SVEP1: variants seen among roughly 807,000 people sequenced by gnomAD.
SVEP1 encodes the protein sushi, von Willebrand factor type A, EGF and pentraxin domain-containing protein 1.
In SVEP1, 164 loss-of-function variants were observed where a neutral mutation model predicts 367.3. The ratio of observed to expected loss-of-function variants is 0.45; its 90% confidence interval spans 0.39 to 0.51. The LOEUF is 0.51. SVEP1 is among the 20% of genes least tolerant of loss of function. SVEP1 has a pLI of 0.00. For missense variants in SVEP1, 4,117 were observed against 4,425.3 expected (o/e 0.93, Z 1.98); for synonymous variants, 1,666 against 1,611.6 (o/e 1.03, Z -0.81).
chr9:110,538,362 T>A (rs1398549930), intron 3 of SVEP1, among the ~76,000 whole-genome samples: 1 of 152,058 alleles, frequency 6.6e-6, no homozygotes, highest in Non-Finnish European at 1.5e-5. Context: ...TACATACCAC[T>A]GAGGATATTT....
chr9:110,510,954 T>C (rs1829701461), intron 5 of SVEP1, among the ~76,000 whole-genome samples: 1 of 152,210 alleles, frequency 6.6e-6, no homozygotes, highest in South Asian at 2.1e-4. Context: ...AACAGTAGCT[T>C]GCCTGAGTTT....
chr9:110,399,049 T>G (rs898338176), intron 40 of SVEP1, among the ~76,000 whole-genome samples: 1 of 152,216 alleles, frequency 6.6e-6, no homozygotes, highest in African/African-American at 2.4e-5. Context: ...TGCACATGTA[T>G]GTTTATTGCG....
chr9:110,366,173 ATAT>A lies in SVEP1; in HGVS notation c.*363_*365del. The A allele has an allele frequency of 5.6e-6, 1 of 179,900 alleles. No homozygotes were observed. Among genetic ancestry groups the A allele is most frequent in the Non-Finnish European group, 1.2e-5 (1 of 86,488 alleles). 11.1% of individuals were successfully genotyped at this position (179,900 alleles called of 1,614,324 possible). Reference sequence around the variant, plus strand: ...TCATAAAATGGTACTATCCAGCAAAATATTATTTAGTAGCAAAATATACTTTAA... The same window carrying A: ...TCATAAAATGGTACTATCCAGCAAAATATTTAGTAGCAAAATATACTTTAA... On this transcript the variant is annotated 3_prime_UTR_variant, in exon 48 of 48. Transcript: ENST00000374469.
Position 110,565,234 on chromosome 9 carries a change from T to C in SVEP1, c.531+13779A>G, listed in dbSNP as rs201307579. 1.4e-4 allele frequency among the ~76,000 whole-genome samples: 22 copies of C among 152,298 alleles called. No individual in the cohort carries two copies. The East Asian group carries it at 2.3e-3, about 16-fold the overall frequency. The stretch of plus-strand genomic sequence containing the variant: ...GCTGAGTAACTCAGATTAGGATAAA[T>C]TGAATTTAGCTGGAAGACCAAGTCT... On this transcript the variant is annotated intron_variant, in intron 1 of 47. Transcript: ENST00000374469.
At chr9:110,479,551 T>C (rs752697191) in intron 13 of SVEP1, 84 bp downstream of exon 13, 134 of 1,430,354 alleles carry the variant, frequency 9.4e-5, no homozygotes, top group Non-Finnish European at 1.2e-4. Flanking sequence ...GGAAATAGGA[T>C]GAGAAATCGC....
chr9:110,501,043 T>C (rs1340214035), intron 6 of SVEP1, among the ~76,000 whole-genome samples: 1 of 149,688 alleles, frequency 6.7e-6, no homozygotes, highest in Non-Finnish European at 1.5e-5. Context: ...AGTTCTTTCC[T>C]TAGGTTAATT....
intron 2 of SVEP1, among the ~76,000 whole-genome samples, chr9:110,547,001 T>G (rs1274399048): frequency 6.6e-6 from 1 of 152,206 alleles, no homozygotes; most frequent in Non-Finnish European, 1.5e-5. Context: ...TTAGACTAAA[T>G]TCCAATACTA....
chr9:110,367,205 G>T (rs1237439388), intron 47 of SVEP1, among the ~76,000 whole-genome samples: 2 of 152,220 alleles, frequency 1.3e-5, no homozygotes, highest in African/African-American at 4.8e-5. Flanking sequence ...TGTTGCCGAG[G>T]CTAGAGTGCA....
At chr9:110,382,785 T>C (rs1391105358) in intron 43 of SVEP1, among the ~76,000 whole-genome samples, 1 of 152,222 alleles carries the variant, frequency 6.6e-6, no homozygotes, top group Non-Finnish European at 1.5e-5. Flanking sequence ...TTCTCTAATC[T>C]TGTCTGCCTT....
chr9:110,458,849 C>G, intron 19 of SVEP1, 103 bp downstream of exon 19: 1 of 1,421,742 alleles, frequency 7.0e-7, no homozygotes. Context: ...TCCAGATGCC[C>G]AAATCCACCG....
chr9:110,555,217 T>TG (rs1397146179), intron 1 of SVEP1, among the ~76,000 whole-genome samples: 5 of 145,490 alleles, frequency 3.4e-5, no homozygotes, highest in Non-Finnish European at 7.5e-5. Flanking sequence ...GGAGGAGAAG[T>TG]GGGGAAAAAA....
chr9:110,499,392 T>G (rs774489939), intron 6 of SVEP1, among the ~76,000 whole-genome samples, 154 bp from the exon 7 acceptor site: 8 of 152,230 alleles, frequency 5.3e-5, no homozygotes, highest in Non-Finnish European at 1.0e-4. Context: ...GTATAATATA[T>G]TGTAAATAAT....
rs773614451 is a variant in SVEP1 at position 110,443,740 on chromosome 9, A to G, written c.4464-20T>C. On this transcript the variant is annotated intron_variant, in intron 26 of 47. Coordinates refer to ENST00000374469, the MANE Select transcript of SVEP1 (RefSeq NM_153366.4). ...ACCCAGCTGTAGAGAGAAAGATTCC[A>G]GGGAATGTAGTCATTAGCCATATGT... 3.9e-6 allele frequency: 6 copies of G among 1,552,614 alleles called. No individual in the cohort carries two copies.
intron 27 of SVEP1, among the ~76,000 whole-genome samples, chr9:110,439,855 C>T (rs1010450802): frequency 4.6e-5 from 7 of 152,142 alleles, no homozygotes; most frequent in African/African-American, 1.7e-4. Flanking sequence ...CAAGCTATTT[C>T]CTTAGGTGGT....
chr9:110,446,155 G>T, intron 25 of SVEP1, 117 bp from the exon 26 acceptor site: 1 of 906,336 alleles, frequency 1.1e-6, no homozygotes, highest in Non-Finnish European at 1.7e-6. Flanking sequence ...TATCTAAGAA[G>T]CAGTTTCAAA....
At chr9:110,476,590 C>T (rs10980405) in intron 13 of SVEP1, among the ~76,000 whole-genome samples, 1 of 152,000 alleles carries the variant, frequency 6.6e-6, no homozygotes, top group Non-Finnish European at 1.5e-5. Flanking sequence ...TCTAAACTTT[C>T]GCTATATGGC....
At chr9:110,423,644 G>A (rs920689810) in intron 36 of SVEP1, among the ~76,000 whole-genome samples, 6 of 151,908 alleles carry the variant, frequency 3.9e-5, no homozygotes, top group African/African-American at 1.5e-4. Context: ...GACTCTAAAG[G>A]AAACAACTGA....
chr9:110,439,798 A>G (rs1312912524), intron 27 of SVEP1, among the ~76,000 whole-genome samples: 1 of 152,138 alleles, frequency 6.6e-6, no homozygotes, highest in Non-Finnish European at 1.5e-5. Flanking sequence ...ACTCTGCAAT[A>G]TTTATGGATT....
chr9:110,550,201 T>C, intron 1 of SVEP1, 97 bp from the exon 2 acceptor site: 1 of 1,492,312 alleles, frequency 6.7e-7, no homozygotes, highest in East Asian at 2.3e-5. Flanking sequence ...AGATCATTAG[T>C]ATTTCACAGG....
Sources: allele counts gnomAD v4.1 joint callset (sites outside exome capture counted in the v4.1 genomes callset), GRCh38; gene constraint gnomAD v4.1.1; transcripts MANE v1.5; gene names NCBI Gene and HGNC (gene_info 2026-07-23, HGNC 2026-07-21).